PEX14: variants seen among roughly 807,000 people sequenced by gnomAD.
PEX14 encodes the protein peroxisomal membrane protein PEX14.
Under a neutral mutation model 49.5 loss-of-function variants are expected in PEX14, and 15 were observed. The ratio of observed to expected loss-of-function variants is 0.30; its 90% confidence interval spans 0.20 to 0.47. The LOEUF is 0.47. Ranked by LOEUF, PEX14 falls within the 20% of genes least tolerant of loss-of-function variation. The pLI is 1.00. For missense variants in PEX14, 398 were observed against 494.8 expected, an observed-to-expected ratio of 0.80 and a Z score of 1.86; for synonymous variants, 210 against 212.7, an observed-to-expected ratio of 0.99 and a Z score of 0.11.
intron 3 of PEX14, among the ~76,000 whole-genome samples, chr1:10,553,669 C>T (rs903577214): frequency 6.6e-6 from 1 of 152,190 alleles, no homozygotes; most frequent in Non-Finnish European, 1.5e-5. Flanking sequence ...GAAGGTCCCA[C>T]TGATTTGGGT....
At chr1:10,481,400 A>G (rs1220635591) in intron 1 of PEX14, among the ~76,000 whole-genome samples, 1 of 151,952 alleles carries the variant, frequency 6.6e-6, no homozygotes, top group Non-Finnish European at 1.5e-5. Flanking sequence ...TCGGCCTCCC[A>G]CAGTGCTGGG....
intron 3 of PEX14, among the ~76,000 whole-genome samples, chr1:10,595,501 C>T (rs2124596278): frequency 6.6e-6 from 1 of 152,256 alleles, no homozygotes; most frequent in Admixed American, 6.5e-5. Flanking sequence ...CACCAAGTGG[C>T]AGAAAGGAAG....
At chr1:10,604,570 C>T (rs1207866624) in intron 4 of PEX14, among the ~76,000 whole-genome samples, 1 of 151,938 alleles carries the variant, frequency 6.6e-6, no homozygotes, top group African/African-American at 2.4e-5. Flanking sequence ...ATGGTTGTAC[C>T]CCTGCACTCC....
At chr1:10,577,036 C>T (rs1412341795) in intron 3 of PEX14, among the ~76,000 whole-genome samples, 1 of 151,992 alleles carries the variant, frequency 6.6e-6, no homozygotes, top group Non-Finnish European at 1.5e-5. Context: ...GCCACCACAC[C>T]CAGCCTAATT....
At chr1:10,528,363 A>G (rs1638552100) in intron 2 of PEX14, 3 of 847,916 alleles carry the variant, frequency 3.5e-6, no homozygotes, top group Admixed American at 6.2e-5. Flanking sequence ...GCTGGAGGTT[A>G]GGAGAAATAC....
In PEX14 at chr1:10,556,258, T is replaced by C. The variant is rs115420143; in HGVS notation, c.169+19961T>C. Among the ~76,000 whole-genome samples the C allele has an allele frequency of 3.0e-3, 455 of 152,252 alleles. 2 individuals are homozygous for C. The highest frequency in any genetic ancestry group is 0.01 in the African/African-American group (419 of 41,548). ...GGAGCTGGTGATACTGTGAACATGC[T>C]GCCTCTCTGGAAGCTGCTCCATGTC... On this transcript the variant is annotated intron_variant, in intron 3 of 8. Transcript: ENST00000356607.
At chr1:10,493,661 C>A (rs1303178935) in intron 1 of PEX14, among the ~76,000 whole-genome samples, 2 of 152,128 alleles carry the variant, frequency 1.3e-5, no homozygotes, top group Non-Finnish European at 2.9e-5. Context: ...CTCCTGGGCT[C>A]AAGCAATCCA....
chr1:10,609,037 CTT>C (rs1368686141), intron 4 of PEX14, among the ~76,000 whole-genome samples: 3 of 152,216 alleles, frequency 2.0e-5, no homozygotes, highest in Non-Finnish European at 4.4e-5. Flanking sequence ...TACCTGGCCT[CTT>C]TCACTTAACC....
chr1:10,476,875 C>G (rs1200278873), intron 1 of PEX14, among the ~76,000 whole-genome samples: 3 of 151,928 alleles, frequency 2.0e-5, no homozygotes, highest in Non-Finnish European at 4.4e-5. Context: ...ACTGTTATGC[C>G]CAAGGATTCT....
intron 3 of PEX14, among the ~76,000 whole-genome samples, chr1:10,545,179 A>G (rs1457240215): frequency 2.6e-5 from 4 of 152,140 alleles, no homozygotes; most frequent in African/African-American, 7.2e-5. Flanking sequence ...TGTTGTATAT[A>G]CTAGTGGTTC....
intron 7 of PEX14, among the ~76,000 whole-genome samples, chr1:10,626,391 A>G (rs1641745284): frequency 6.6e-6 from 1 of 152,292 alleles, no homozygotes; most frequent in Non-Finnish European, 1.5e-5. Flanking sequence ...GGTGGGTGAC[A>G]CGCACTCACT....
intron 5 of PEX14, among the ~76,000 whole-genome samples, chr1:10,619,065 A>G (rs994215275): frequency 6.6e-6 from 1 of 152,214 alleles, no homozygotes; most frequent in Non-Finnish European, 1.5e-5. Context: ...TTGTGCTGCC[A>G]TCTATAGAAA....
At chr1:10,487,481 C>CTTTTTTTTTTTT (rs33968565) in intron 1 of PEX14, among the ~76,000 whole-genome samples, 7 of 86,758 alleles carry the variant, frequency 8.1e-5, no homozygotes, top group African/African-American at 1.7e-4. Context: ...TTCTTTCTTT[C>CTTTTTTTTTTTT]TTTTTTTTTT....
At chr1:10,483,249 G>A (rs1047219095) in intron 1 of PEX14, among the ~76,000 whole-genome samples, 1 of 151,988 alleles carries the variant, frequency 6.6e-6, no homozygotes, top group Non-Finnish European at 1.5e-5. Flanking sequence ...GTGACCTCCT[G>A]GGCTCAAGTG....
At chr1:10,510,637 A>G (rs942323281) in intron 2 of PEX14, among the ~76,000 whole-genome samples, 5 of 152,200 alleles carry the variant, frequency 3.3e-5, no homozygotes, top group African/African-American at 1.2e-4. Context: ...GCACTTTGCT[A>G]AGCCCTGTAT....
At chr1:10,589,286 G>A (rs1480428312) in intron 3 of PEX14, among the ~76,000 whole-genome samples, 2 of 152,096 alleles carry the variant, frequency 1.3e-5, no homozygotes, top group Admixed American at 6.5e-5. Context: ...AGGGTATATG[G>A]GAATGAGGTG....
chr1:10,555,045 C>T (rs1639446117), intron 3 of PEX14, among the ~76,000 whole-genome samples: 1 of 152,144 alleles, frequency 6.6e-6, no homozygotes, highest in African/African-American at 2.4e-5. Context: ...TCTTCTTGAT[C>T]TGGGGCTGCA....
Position 10,566,655 on chromosome 1 carries a change from A to AT in PEX14, c.169+30365dup, listed in dbSNP as rs531347832. ...AGGCATGTGCCATCATGCCTGGCTA[A>AT]TTTTTTTGTTTGTTTGTTTGTTTTG... is the stretch of plus-strand genomic sequence containing the variant. On this transcript the variant is annotated intron_variant, in intron 3 of 8. Transcript: ENST00000356607. Among the ~76,000 whole-genome samples, 20 of 151,914 alleles carry AT rather than the reference A, an allele frequency of 1.3e-4. 1 individual carries two copies. In the South Asian group the frequency reaches 4.0e-3, roughly 30 times the overall value.
intron 2 of PEX14, among the ~76,000 whole-genome samples, chr1:10,519,281 T>C (rs939313931): frequency 6.6e-6 from 1 of 152,168 alleles, no homozygotes; most frequent in Non-Finnish European, 1.5e-5. Context: ...TGCAGTCCTT[T>C]AGCAGCTCTG....
Sources: gnomAD v4.1 joint callset for allele counts (sites outside exome capture counted in the v4.1 genomes callset) on GRCh38, gnomAD v4.1.1 for gene constraint, MANE v1.5 for transcripts, NCBI Gene and HGNC (gene_info 2026-07-23, HGNC 2026-07-21) for gene names.